Variants in EVI5 observed in about 807,000 individuals in gnomAD.
The protein encoded by EVI5 is ecotropic viral integration site 5 protein homolog.
EVI5 carries 73 observed loss-of-function variants against 112.0 expected under a neutral mutation model. That is an observed-to-expected ratio of 0.65 (90% CI 0.54 to 0.79). The LOEUF is 0.79. Ranked by LOEUF, EVI5 falls within the 30% of genes least tolerant of loss-of-function variation. The pLI, the probability that EVI5 is intolerant of heterozygous loss-of-function variation, is 0.00. For missense variants in EVI5, 900 were observed against 968.8 expected (o/e 0.93, Z 0.94); for synonymous variants, 305 against 319.9 (o/e 0.95, Z 0.50).
rs2102546717 is a variant in EVI5 at position 92,703,502 on chromosome 1, G to T, written c.457C>A (p.Pro153Thr). The change falls in exon 4 of 20, where the codon CCT (proline) becomes ACT (threonine). Residue 153 changes from proline (P) to threonine (T), a missense_variant. Physicochemically the swap from Pro to Thr is conservative, Grantham distance 38. Coordinates refer to ENST00000684568, the MANE Select transcript of EVI5 (RefSeq NM_001350197.2). Reference protein sequence around the residue: ...QYSELLKMTSPCEKLIRRDIA... With the variant: ...QYSELLKMTSTCEKLIRRDIA... ...TCCCTTCGGATCAATTTTTCACAAGGCGAGGTCATTTTCAGGAGTTCTGAA... is the reference window on the plus strand; with the variant it reads ...TCCCTTCGGATCAATTTTTCACAAGTCGAGGTCATTTTCAGGAGTTCTGAA... 6.3e-7 allele frequency: 1 copy of T among 1,599,098 alleles called. No individual in the cohort carries two copies. The highest frequency in any genetic ancestry group is 1.1e-5 in the South Asian group (1 of 87,656).
chr1:92,720,779 G>A (rs1034284641), intron 2 of EVI5, among the ~76,000 whole-genome samples: 1 of 152,100 alleles, frequency 6.6e-6, no homozygotes, highest in Non-Finnish European at 1.5e-5. Context: ...CTACCCAACT[G>A]ACAAAGGGCT....
Position 92,549,541 on chromosome 1 carries a change from T to G in EVI5, c.2166+14101A>C, listed in dbSNP as rs537384936. 2.2e-3 allele frequency among the ~76,000 whole-genome samples: 337 copies of G among 151,850 alleles called. 3 individuals are homozygous for G. The Middle Eastern group carries it at 0.024, about 11-fold the overall frequency. ...AGAGCTTCTGCACAGCAAAAGAAAC[T>G]ACCATCAGAGTGAACAGGCAACCTA... On this transcript the variant is annotated intron_variant, in intron 19 of 19. Coordinates refer to ENST00000684568, the MANE Select transcript of EVI5 (RefSeq NM_001350197.2).
chr1:92,602,095 A>G (rs910178867), intron 18 of EVI5, among the ~76,000 whole-genome samples: 4 of 152,198 alleles, frequency 2.6e-5, no homozygotes, highest in African/African-American at 9.6e-5. Flanking sequence ...TAAACATACA[A>G]ATCATAATGT....
intron 1 of EVI5, among the ~76,000 whole-genome samples, chr1:92,746,604 T>C (rs1448766832): frequency 6.6e-6 from 1 of 152,088 alleles, no homozygotes; most frequent in Non-Finnish European, 1.5e-5. Flanking sequence ...TGCATGCCTG[T>C]AGTCTCACCT....
At chr1:92,541,761 G>C (rs993512575) in intron 19 of EVI5, among the ~76,000 whole-genome samples, 2 of 152,164 alleles carry the variant, frequency 1.3e-5, no homozygotes, top group African/African-American at 2.4e-5. Context: ...AGAATAAAGC[G>C]AGTCACATGA....
intron 19 of EVI5, among the ~76,000 whole-genome samples, chr1:92,558,837 TAAA>T (rs35604457): frequency 5.0e-5 from 6 of 120,738 alleles, no homozygotes; most frequent in Non-Finnish European, 5.4e-5. Flanking sequence ...CCCCCATCTC[TAAA>T]AAAAAAAAAA....
At chr1:92,659,171 C>T (rs1663542601) in intron 13 of EVI5, among the ~76,000 whole-genome samples, 1 of 152,042 alleles carries the variant, frequency 6.6e-6, no homozygotes, top group Non-Finnish European at 1.5e-5. Context: ...TGGGAAGAAC[C>T]TATCTGCTCA....
intron 1 of EVI5, among the ~76,000 whole-genome samples, chr1:92,783,136 A>C (rs1685079669): frequency 6.6e-6 from 1 of 152,082 alleles, no homozygotes; most frequent in Non-Finnish European, 1.5e-5. Context: ...GCACATTTAG[A>C]ATTGTGAACT....
At chr1:92,645,485 C>T (rs1446817387) in intron 13 of EVI5, among the ~76,000 whole-genome samples, 1 of 152,316 alleles carries the variant, frequency 6.6e-6, no homozygotes, top group African/African-American at 2.4e-5. Flanking sequence ...TCAAGCTCTA[C>T]ACATTTCCAT....
chr1:92,576,545 CA>C (rs34102351), intron 18 of EVI5, among the ~76,000 whole-genome samples: 29,897 of 151,948 alleles, frequency 0.2, 3,467 homozygotes, highest in Middle Eastern at 0.26. Flanking sequence ...AGATAGCTAA[CA>C]GGGGTAGAGT....
intron 18 of EVI5, among the ~76,000 whole-genome samples, chr1:92,567,130 TA>T (rs1258081214): frequency 6.6e-6 from 1 of 151,658 alleles, no homozygotes; most frequent in African/African-American, 2.4e-5. Flanking sequence ...AAGTTTTTAA[TA>T]AAAAAGTTTA....
intron 18 of EVI5, among the ~76,000 whole-genome samples, chr1:92,582,331 A>G (rs1672073233): frequency 6.6e-6 from 1 of 152,194 alleles, no homozygotes; most frequent in Admixed American, 6.5e-5. Context: ...TTAAAGTAAA[A>G]ATAATTTCAG....
intron 14 of EVI5, among the ~76,000 whole-genome samples, chr1:92,628,801 G>A (rs760814150): frequency 6.6e-4 from 100 of 152,226 alleles, no homozygotes; most frequent in Middle Eastern, 3.4e-3. Context: ...TTGCTCATAG[G>A]GATGATGGAA....
intron 19 of EVI5, among the ~76,000 whole-genome samples, chr1:92,515,100 C>T (rs1659654548): frequency 6.6e-6 from 1 of 152,118 alleles, no homozygotes; most frequent in African/African-American, 2.4e-5. Context: ...AATGGTATGC[C>T]TCACTCATCT....
intron 11 of EVI5, among the ~76,000 whole-genome samples, chr1:92,664,579 A>C (rs942758059): frequency 6.6e-6 from 1 of 152,142 alleles, no homozygotes; most frequent in Admixed American, 6.5e-5. Flanking sequence ...CTTAAAAGCA[A>C]GCTCAATCTT....
At chr1:92,558,502 G>T (rs72722496) in intron 19 of EVI5, among the ~76,000 whole-genome samples, 9,269 of 152,148 alleles carry the variant, frequency 0.061, 507 homozygotes, top group Non-Finnish European at 0.085. Context: ...TGGAGCCAAT[G>T]AATGTTTTTT....
At chr1:92,612,247 A>G (rs1015084579) in intron 16 of EVI5, among the ~76,000 whole-genome samples, 2 of 152,170 alleles carry the variant, frequency 1.3e-5, no homozygotes, top group Non-Finnish European at 2.9e-5. Context: ...AGAGAAAGTG[A>G]AAGAAAAAAC....
At chr1:92,671,219 T>A (rs1315183541) in intron 10 of EVI5, among the ~76,000 whole-genome samples, 1 of 152,188 alleles carries the variant, frequency 6.6e-6, no homozygotes, top group African/African-American at 2.4e-5. Flanking sequence ...ATAATCATGC[T>A]GGAAAATGCA....
intron 18 of EVI5, among the ~76,000 whole-genome samples, chr1:92,591,082 C>G (rs1673782223): frequency 6.6e-6 from 1 of 152,158 alleles, no homozygotes; most frequent in Admixed American, 6.5e-5. Flanking sequence ...TTGTCACCAC[C>G]AGGCCTGCCC....
Sources: gnomAD v4.1 joint callset for allele counts (sites outside exome capture counted in the v4.1 genomes callset) on GRCh38, gnomAD v4.1.1 for gene constraint, MANE v1.5 for transcripts, NCBI Gene and HGNC (gene_info 2026-07-23, HGNC 2026-07-21) for gene names.